PIP5K1C: variants seen among roughly 807,000 people sequenced by gnomAD.
PIP5K1C encodes phosphatidylinositol 4-phosphate 5-kinase type-1 gamma.
Under a neutral mutation model 80.1 loss-of-function variants are expected in PIP5K1C, and 45 were observed. The ratio of observed to expected loss-of-function variants is 0.56; its 90% CI spans 0.44 to 0.72. The LOEUF (loss-of-function observed/expected upper bound fraction) is 0.72, where lower values mean the gene tolerates loss of function less well. Among genes scored for constraint, PIP5K1C ranks in the 30% least tolerant of loss-of-function variants. The pLI is 0.00. For missense variants in PIP5K1C, 753 were observed against 954.6 expected, an observed-to-expected ratio of 0.79 and a Z score of 2.78; for synonymous variants, 498 against 420.1, an observed-to-expected ratio of 1.19 and a Z score of -2.27.
chr19:3,661,835 C>G, intron 4 of PIP5K1C, 36 bp downstream of exon 4: 1 of 1,607,940 alleles, frequency 6.2e-7, no homozygotes. Context: ...CACGTGTGTG[C>G]TGGGTGAGCC....
At chr19:3,663,640 C>T (rs1181062816) in intron 3 of PIP5K1C, among the ~76,000 whole-genome samples, 1 of 152,198 alleles carries the variant, frequency 6.6e-6, no homozygotes, top group Non-Finnish European at 1.5e-5. Context: ...ATGGTGAAAC[C>T]CCTGTCTCTA....
intron 1 of PIP5K1C, among the ~76,000 whole-genome samples, chr19:3,669,345 C>T (rs1004587477): frequency 8.5e-5 from 13 of 152,160 alleles, no homozygotes; most frequent in East Asian, 3.9e-4. Context: ...GCTTCCAGGC[C>T]GGCTGAGGTG....
chr19:3,681,097 A>C (rs184612310), intron 1 of PIP5K1C, among the ~76,000 whole-genome samples: 1 of 152,166 alleles, frequency 6.6e-6, no homozygotes, highest in Admixed American at 6.5e-5. Flanking sequence ...ATCTGCACAC[A>C]CAAGAACCCG....
At position 3,688,837 on chromosome 19, in the gene PIP5K1C, C is replaced by G. The variant is rs2035855524; in HGVS notation, c.94+11460G>C. 6.6e-6 allele frequency among the ~76,000 whole-genome samples: 1 copy of G among 152,138 alleles called. No homozygotes were observed. The highest frequency in any genetic ancestry group is 1.5e-5 in the Non-Finnish European group (1 of 68,022). ...ACACCCACGTCGCCATGGCCCCCCA[C>G]CCCGTTTTTGAGCCCCCACACAGCC... On this transcript the variant is annotated intron_variant, in intron 1 of 17. Transcript: ENST00000335312. The surrounding 1 kb of genome is among the most constrained non-coding windows in gnomAD (Gnocchi z 5.3).
intron 1 of PIP5K1C, among the ~76,000 whole-genome samples, chr19:3,685,659 G>A (rs192214603): frequency 6.6e-6 from 1 of 152,136 alleles, no homozygotes; most frequent in East Asian, 1.9e-4. Flanking sequence ...GAACCCGGGA[G>A]GCGGAGCTTG....
At position 3,688,251 on chromosome 19, in the gene PIP5K1C, G is replaced by T. The variant is rs926487013; in HGVS notation, c.94+12046C>A. ...CCCAGCGTCCCTGTCCTCCAGGGGC[G>T]CAGCGTCCCTCCGGGGAGTACAGTG... is the stretch of plus-strand genomic sequence containing the variant. On this transcript the variant is annotated intron_variant, in intron 1 of 17. Coordinates refer to ENST00000335312, the MANE Select transcript of PIP5K1C (RefSeq NM_012398.3). This position sits in a 1 kb window ranked among gnomAD's most constrained non-coding sequence, Gnocchi z 5.3. 6.6e-6 allele frequency among the ~76,000 whole-genome samples: 1 copy of T among 152,320 alleles called. No individual in the cohort carries two copies. The highest frequency in any genetic ancestry group is 2.1e-4 in the South Asian group (1 of 4,834).
intron 1 of PIP5K1C, among the ~76,000 whole-genome samples, chr19:3,676,906 C>G (rs932346981): frequency 2.0e-5 from 3 of 151,874 alleles, no homozygotes. Context: ...TTGAGACTTG[C>G]CTGGGCAACA....
chr19:3,636,841 G>A lies in PIP5K1C; in HGVS notation c.1920+2043C>T, dbSNP rs187902340. The A allele has an allele frequency of 2.0e-4, 200 of 991,726 alleles. 1 individual carries two copies. In the African/African-American group the frequency reaches 3.3e-3, roughly 17 times the overall value. 61.4% of individuals were successfully genotyped at this position (991,726 alleles called of 1,614,324 possible). A position where few individuals can be genotyped will look rare whatever the true frequency, so the allele number is the denominator to read the frequency against. On this transcript the variant is annotated intron_variant, in intron 16 of 17. Transcript: ENST00000335312. The stretch of plus-strand genomic sequence containing the variant: ...GTTCTGGCTGTGCGGTGCTGGGCAG[G>A]TCTCTTAGGCTCTCTGGGCCCCTTG...
intron 16 of PIP5K1C, among the ~76,000 whole-genome samples, chr19:3,638,326 A>G (rs2033793545): frequency 6.6e-6 from 1 of 152,074 alleles, no homozygotes; most frequent in Admixed American, 6.5e-5. Flanking sequence ...CCTGCCCAGT[A>G]GCAGCCACGA....
Position 3,637,502 on chromosome 19 carries a change from C to T in PIP5K1C, c.1920+1382G>A. The T allele has an allele frequency of 6.5e-7, 1 of 1,535,660 alleles. No homozygotes were observed. The highest frequency in any genetic ancestry group is 8.7e-7 in the Non-Finnish European group (1 of 1,146,770). On this transcript the variant is annotated intron_variant, in intron 16 of 17. Transcript: ENST00000335312. The surrounding 1 kb of genome is among the most constrained non-coding windows in gnomAD (Gnocchi z 7.0). ...CCCTGCTGCCCGAGGGGCACTGCCC[C>T]TTCTCCCCAGGGTGGCCGGCTGCGG...
chr19:3,637,129 C>T lies in PIP5K1C; in HGVS notation c.1920+1755G>A. 2 of 1,378,010 alleles carry T rather than the reference C, an allele frequency of 1.5e-6. No individual in the cohort carries two copies. The highest frequency in any genetic ancestry group is 1.9e-6 in the Non-Finnish European group (2 of 1,063,802). 85.4% of individuals were successfully genotyped at this position (1,378,010 alleles called of 1,614,324 possible). On this transcript the variant is annotated intron_variant, in intron 16 of 17. Transcript: ENST00000335312. This position sits in a 1 kb window ranked among gnomAD's most constrained non-coding sequence, Gnocchi z 7.0. ...CACTCTGCTGACCTGTGCAACCTCC[C>T]CTGTGCAGCCAGCGGGGCCACGGGC...
intron 5 of PIP5K1C, among the ~76,000 whole-genome samples, chr19:3,660,357 G>T (rs1456616013): frequency 1.3e-5 from 2 of 151,772 alleles, no homozygotes; most frequent in African/African-American, 4.8e-5. Context: ...TCCAGCCTGG[G>T]CGACAGAGCG....
intron 4 of PIP5K1C, 27 bp from the exon 5 acceptor site, chr19:3,661,110 T>A: frequency 3.3e-6 from 5 of 1,522,052 alleles, no homozygotes; most frequent in Non-Finnish European, 4.6e-6. Flanking sequence ...GGAGGAAACC[T>A]GTGAGGGGTG....
intron 17 of PIP5K1C, 30 bp from the exon 18 acceptor site, chr19:3,633,199 G>A: frequency 1.3e-6 from 1 of 758,320 alleles, no homozygotes; most frequent in Admixed American, 1.8e-5. Context: ...GGTGAAGGTG[G>A]GCGGGGCGAG....
At chr19:3,633,558 G>A in intron 16 of PIP5K1C, 38 bp from the exon 17 acceptor site, 1 of 1,413,600 alleles carries the variant, frequency 7.1e-7, no homozygotes. Flanking sequence ...GCGCGGAAGA[G>A]CAGGGTGCGA....
chr19:3,664,791 C>T, intron 3 of PIP5K1C, 31 bp downstream of exon 3: 1 of 1,569,420 alleles, frequency 6.4e-7, no homozygotes, highest in Non-Finnish European at 8.8e-7. Flanking sequence ...CTGTCCCGCT[C>T]CCTCCAGCCA....
At chr19:3,657,108 C>T (rs1434028427) in intron 5 of PIP5K1C, among the ~76,000 whole-genome samples, 3 of 152,230 alleles carry the variant, frequency 2.0e-5, no homozygotes, top group Non-Finnish European at 4.4e-5. Context: ...AGCTGCATCT[C>T]TGATGGGCAG....
In PIP5K1C at chr19:3,633,122, G is replaced by A. The variant is rs202236814; in HGVS notation, c.*45C>T. On this transcript the variant is annotated 3_prime_UTR_variant, in exon 18 of 18. Coordinates refer to ENST00000335312, the MANE Select transcript of PIP5K1C (RefSeq NM_012398.3). ...GTGGGCAGCGCCTTCGGGGGCAGCC[G>A]GAGCAGAAGTGGAGCTCGGCTCTGG... The A allele has an allele frequency of 4.6e-3, 3,446 of 748,628 alleles. 19 individuals carry two copies. Among genetic ancestry groups the A allele is most frequent in the Non-Finnish European group, 6.6e-3 (2,666 of 402,914 alleles). 46.4% of individuals were successfully genotyped at this position (748,628 alleles called of 1,614,324 possible). A position where few individuals can be genotyped will look rare whatever the true frequency, so the allele number is the denominator to read the frequency against.
intron 5 of PIP5K1C, among the ~76,000 whole-genome samples, chr19:3,656,896 A>G (rs1190547415): frequency 6.6e-6 from 1 of 152,248 alleles, no homozygotes; most frequent in African/African-American, 2.4e-5. Context: ...GGGTGGGGCC[A>G]CAACGCCAGC....
Sources: gnomAD v4.1 joint callset for allele counts (sites outside exome capture counted in the v4.1 genomes callset) on GRCh38, gnomAD v4.1.1 for gene constraint, Gnocchi (gnomAD v3.1) non-coding constraint, MANE v1.5 for transcripts, NCBI Gene and HGNC (gene_info 2026-07-23, HGNC 2026-07-21) for gene names.